Variants in STPG4 observed in about 807,000 individuals in gnomAD.
The protein encoded by STPG4 is protein STPG4.
A neutral mutation model predicts 31.5 loss-of-function variants in STPG4; 41 were observed. The observed-to-expected ratio is 1.30, with a 90% CI of 1.01 to 1.69. The LOEUF (loss-of-function observed/expected upper bound fraction) is 1.69. Ranked by LOEUF, STPG4 falls within the 40% of genes most tolerant of loss-of-function variation. The pLI, the probability that STPG4 is intolerant of heterozygous loss-of-function variation, is 0.00. For missense variants in STPG4, 375 were observed against 293.4 expected, an observed-to-expected ratio of 1.28 and a Z score of -2.03; for synonymous variants, 141 against 103.0, an observed-to-expected ratio of 1.37 and a Z score of -2.24.
chr2:47,134,031 T>C (rs1573187176), intron 3 of STPG4, among the ~76,000 whole-genome samples: 1 of 149,572 alleles, frequency 6.7e-6, no homozygotes, highest in Non-Finnish European at 1.5e-5. Flanking sequence ...TGTGACTACA[T>C]ATACACATAC....
At chr2:47,128,627 G>T (rs573613559) in intron 5 of STPG4, among the ~76,000 whole-genome samples, 1 of 152,150 alleles carries the variant, frequency 6.6e-6, no homozygotes, top group African/African-American at 2.4e-5. Context: ...TTCACTCAAG[G>T]CTCTTCAGTC....
At chr2:47,150,646 G>C (rs575731775) in intron 3 of STPG4, among the ~76,000 whole-genome samples, 2 of 106,558 alleles carry the variant, frequency 1.9e-5, no homozygotes, top group Admixed American at 1.1e-4. Context: ...TTCCCAAGTA[G>C]CTATTTTTTT....
At chr2:47,123,828 G>A (rs1481466614) in intron 5 of STPG4, among the ~76,000 whole-genome samples, 1 of 151,976 alleles carries the variant, frequency 6.6e-6, no homozygotes, top group African/African-American at 2.4e-5. Flanking sequence ...CACATAGTAG[G>A]TATATATATT....
At chr2:47,141,557 CAAAA>C (rs200257521) in intron 3 of STPG4, among the ~76,000 whole-genome samples, 1 of 140,288 alleles carries the variant, frequency 7.1e-6, no homozygotes, top group Admixed American at 7.1e-5. Flanking sequence ...AGTCCTGCCT[CAAAA>C]AAAAAAAAAA....
At chr2:47,138,242 TGTGTTATTTAGAA>T (rs1287906881) in intron 3 of STPG4, among the ~76,000 whole-genome samples, 2 of 152,222 alleles carry the variant, frequency 1.3e-5, no homozygotes, top group African/African-American at 4.8e-5. Context: ...CACAGATCCA[TGTGTTATTTAGAA>T]GTGTGTTGTT....
intron 3 of STPG4, among the ~76,000 whole-genome samples, chr2:47,143,731 G>A (rs937859459): frequency 5.9e-5 from 9 of 151,978 alleles, no homozygotes; most frequent in Admixed American, 2.0e-4. Flanking sequence ...CTCATGATCC[G>A]CCTGCCTCGG....
intron 3 of STPG4, among the ~76,000 whole-genome samples, chr2:47,145,963 T>A (rs1052954508): frequency 5.3e-5 from 8 of 152,166 alleles, no homozygotes; most frequent in Admixed American, 4.6e-4. Context: ...GAACAAAGAC[T>A]TGAAGAAGGA....
At position 47,152,860 on chromosome 2, in the gene STPG4, T is replaced by A. The variant is rs1410438051; in HGVS notation, c.141+97A>T. On this transcript the variant is annotated intron_variant, in intron 2 of 6. Coordinates refer to ENST00000445927, the MANE Select transcript of STPG4 (RefSeq NM_001163561.2). The stretch of plus-strand genomic sequence containing the variant: ...CATGCAGATCTGAACAATCACTGTT[T>A]TCTTACAATTTAGTGTTAGTCTTAA... 3 of 857,348 alleles carry A rather than the reference T, an allele frequency of 3.5e-6. No individual in the cohort carries two copies. In the East Asian group the frequency reaches 8.3e-5, roughly 24 times the overall value. 53.1% of individuals were successfully genotyped at this position (857,348 alleles called of 1,614,324 possible). A position where few individuals can be genotyped will look rare whatever the true frequency, so the allele number is the denominator to read the frequency against.
chr2:47,155,076 G>T, intron 1 of STPG4, 95 bp downstream of exon 1: 1 of 1,193,180 alleles, frequency 8.4e-7, no homozygotes, highest in East Asian at 2.4e-5. Flanking sequence ...GAACGAGAGC[G>T]GCACGAAGGC....
At chr2:47,113,763 A>C (rs895700973) in intron 5 of STPG4, among the ~76,000 whole-genome samples, 1 of 152,040 alleles carries the variant, frequency 6.6e-6, no homozygotes, top group African/African-American at 2.4e-5. Flanking sequence ...GGCCGGGCGC[A>C]GTGGCTCATG....
At chr2:47,093,577 C>G (rs1685613370) in intron 5 of STPG4, among the ~76,000 whole-genome samples, 1 of 152,142 alleles carries the variant, frequency 6.6e-6, no homozygotes, top group Non-Finnish European at 1.5e-5. Flanking sequence ...AGCGACCTGC[C>G]CCTTTTCCCC....
intron 5 of STPG4, among the ~76,000 whole-genome samples, chr2:47,101,207 A>T (rs747188397): frequency 6.6e-6 from 1 of 151,834 alleles, no homozygotes. Flanking sequence ...GACTAAAAAC[A>T]TGGGTGTCAG....
intron 3 of STPG4, among the ~76,000 whole-genome samples, chr2:47,143,156 T>C (rs909595422): frequency 6.6e-6 from 1 of 152,154 alleles, no homozygotes; most frequent in African/African-American, 2.4e-5. Flanking sequence ...TTGCACAGTA[T>C]GTCATTTGTA....
chr2:47,089,624 G>A (rs1685527860), intron 6 of STPG4, among the ~76,000 whole-genome samples: 1 of 151,612 alleles, frequency 6.6e-6, no homozygotes, highest in African/African-American at 2.4e-5. Flanking sequence ...AAGCAACAAA[G>A]CTATGGGAAT....
intron 3 of STPG4, among the ~76,000 whole-genome samples, chr2:47,148,638 G>A (rs913709000): frequency 5.9e-5 from 9 of 152,122 alleles, no homozygotes; most frequent in East Asian, 1.9e-4. Flanking sequence ...CCGTGAACTC[G>A]TCATTTACAT....
chr2:47,124,939 C>T (rs1013110729), intron 5 of STPG4, among the ~76,000 whole-genome samples: 1 of 152,064 alleles, frequency 6.6e-6, no homozygotes, highest in Non-Finnish European at 1.5e-5. Flanking sequence ...TTCACTATTG[C>T]CTGTATTTTG....
chr2:47,093,525 T>G (rs556098692), intron 5 of STPG4, among the ~76,000 whole-genome samples: 28 of 152,168 alleles, frequency 1.8e-4, no homozygotes, highest in African/African-American at 6.8e-4. Context: ...TGTGCGACCA[T>G]TGATTCCACA....
intron 2 of STPG4, among the ~76,000 whole-genome samples, chr2:47,151,911 T>G (rs1686945084): frequency 2.5e-5 from 1 of 40,220 alleles, no homozygotes; most frequent in South Asian, 1.4e-3. Flanking sequence ...CGGCTAGTTT[T>G]TTGTTTTGTT....
chr2:47,110,386 G>A (rs1196950381), intron 5 of STPG4, among the ~76,000 whole-genome samples: 1 of 152,180 alleles, frequency 6.6e-6, no homozygotes, highest in African/African-American at 2.4e-5. Flanking sequence ...TCGAGGTCAG[G>A]AGTTTGAGAC....
Sources: allele counts gnomAD v4.1 joint callset (sites outside exome capture counted in the v4.1 genomes callset), GRCh38; gene constraint gnomAD v4.1.1; transcripts MANE v1.5; gene names NCBI Gene and HGNC (gene_info 2026-07-23, HGNC 2026-07-21).